ATP8A1: variants seen among roughly 807,000 people sequenced by gnomAD.
The protein encoded by ATP8A1 is ATPase phospholipid transporting 8A1.
Under a neutral mutation model 177.7 loss-of-function variants are expected in ATP8A1, and 90 were observed. The ratio of observed to expected loss-of-function variants is 0.51; its 90% confidence interval spans 0.43 to 0.60. The LOEUF (loss-of-function observed/expected upper bound fraction) is 0.60, where lower values mean the gene tolerates loss of function less well. Ranked by LOEUF, ATP8A1 falls within the 20% of genes least tolerant of loss-of-function variation. The pLI is 0.00. For missense variants in ATP8A1, 1,072 were observed against 1,392.8 expected (o/e 0.77, Z 3.67); for synonymous variants, 493 against 485.9 (o/e 1.01, Z -0.19).
At chr4:42,592,899 ATGT>A (rs533895032) in intron 6 of ATP8A1, among the ~76,000 whole-genome samples, 103 of 152,272 alleles carry the variant, frequency 6.8e-4, no homozygotes, top group African/African-American at 2.2e-3. Context: ...ATTGACCAAA[ATGT>A]TGTTATGCAG....
At chr4:42,430,405 G>C (rs945255936) in intron 33 of ATP8A1, among the ~76,000 whole-genome samples, 1 of 151,886 alleles carries the variant, frequency 6.6e-6, no homozygotes, top group Non-Finnish European at 1.5e-5. Flanking sequence ...GAGAAAAATC[G>C]AGAGTCTTTA....
At chr4:42,514,227 G>C (rs1169991292) in intron 22 of ATP8A1, among the ~76,000 whole-genome samples, 1 of 152,188 alleles carries the variant, frequency 6.6e-6, no homozygotes, top group Non-Finnish European at 1.5e-5. Context: ...CAAGGGCTTA[G>C]TTATAAGGCC....
chr4:42,548,318 G>T (rs1002268266), intron 19 of ATP8A1, among the ~76,000 whole-genome samples: 1 of 152,108 alleles, frequency 6.6e-6, no homozygotes, highest in African/African-American at 2.4e-5. Flanking sequence ...AAACATAATT[G>T]TGTTTCCAGA....
chr4:42,433,296 C>A (rs1260132127), intron 33 of ATP8A1, among the ~76,000 whole-genome samples: 1 of 152,194 alleles, frequency 6.6e-6, no homozygotes, highest in African/African-American at 2.4e-5. Flanking sequence ...CTCTGTTAGT[C>A]CCTGTGCATT....
At chr4:42,639,731 T>C (rs1739771203) in intron 1 of ATP8A1, among the ~76,000 whole-genome samples, 2 of 152,190 alleles carry the variant, frequency 1.3e-5, no homozygotes, top group African/African-American at 4.8e-5. Flanking sequence ...AGAGAAGAAC[T>C]ATGGTGAATG....
At chr4:42,505,926 C>CT (rs916270415) in intron 23 of ATP8A1, among the ~76,000 whole-genome samples, 3 of 151,646 alleles carry the variant, frequency 2.0e-5, no homozygotes, top group African/African-American at 7.3e-5. Flanking sequence ...GGTGAAAAAA[C>CT]TTTTTTTTTC....
At chr4:42,565,862 G>C (rs1731291734) in intron 15 of ATP8A1, among the ~76,000 whole-genome samples, 1 of 152,114 alleles carries the variant, frequency 6.6e-6, no homozygotes, top group Non-Finnish European at 1.5e-5. Context: ...GGGCTACATT[G>C]ATGTTAAGAA....
chr4:42,625,481 TGCA>T (rs1737964518), intron 3 of ATP8A1, 130 bp downstream of exon 3: 2 of 525,346 alleles, frequency 3.8e-6, no homozygotes, highest in Non-Finnish European at 6.7e-6. Context: ...CAACACTGCT[TGCA>T]GCAGGAGCCA....
At chr4:42,515,325 GT>G (rs1725425146) in intron 22 of ATP8A1, among the ~76,000 whole-genome samples, 1 of 152,212 alleles carries the variant, frequency 6.6e-6, no homozygotes. Context: ...AAGAATAGAT[GT>G]GGTAGTTTTA....
At chr4:42,473,094 A>C (rs1382232965) in intron 25 of ATP8A1, among the ~76,000 whole-genome samples, 2 of 152,184 alleles carry the variant, frequency 1.3e-5, no homozygotes, top group African/African-American at 4.8e-5. Context: ...ATGCTGACTG[A>C]AAAGTTGGAA....
At chr4:42,610,987 AC>A (rs1736310401) in intron 5 of ATP8A1, among the ~76,000 whole-genome samples, 1 of 152,202 alleles carries the variant, frequency 6.6e-6, no homozygotes, top group Admixed American at 6.5e-5. Flanking sequence ...TTAGCATAAT[AC>A]ATCTCTTTGA....
rs947003521 is a variant in ATP8A1 at position 42,638,370 on chromosome 4, C to T, written c.50-11261G>A. 5.9e-5 allele frequency among the ~76,000 whole-genome samples: 9 copies of T among 152,220 alleles called. No individual in the cohort carries two copies. In the South Asian group the frequency reaches 1.2e-3, roughly 21 times the overall value. On this transcript the variant is annotated intron_variant, in intron 1 of 36. Coordinates refer to ENST00000381668, the MANE Select transcript of ATP8A1 (RefSeq NM_006095.2). Reference sequence around the variant, plus strand: ...GAACTCACGCTAAATTGCGACAAGCCCCTGAAGTAGCACTACAAATTCTAA... The same window carrying T: ...GAACTCACGCTAAATTGCGACAAGCTCCTGAAGTAGCACTACAAATTCTAA...
intron 36 of ATP8A1, among the ~76,000 whole-genome samples, chr4:42,413,553 T>G (rs1411430032): frequency 6.6e-6 from 1 of 152,208 alleles, no homozygotes; most frequent in African/African-American, 2.4e-5. Flanking sequence ...TGGCACAGTA[T>G]TTGCATATAA....
intron 34 of ATP8A1, among the ~76,000 whole-genome samples, chr4:42,423,404 T>C (rs537059261): frequency 6.6e-6 from 1 of 152,330 alleles, no homozygotes; most frequent in East Asian, 1.9e-4. Flanking sequence ...CATTTACTTT[T>C]CTCTGTTAAC....
chr4:42,462,657 A>C (rs888123351), intron 27 of ATP8A1, among the ~76,000 whole-genome samples: 1 of 152,238 alleles, frequency 6.6e-6, no homozygotes, highest in African/African-American at 2.4e-5. Flanking sequence ...CAGAGCCCCC[A>C]CACAGAGTTC....
At chr4:42,569,128 G>A (rs765128762) in intron 15 of ATP8A1, 33 bp downstream of exon 15, 2 of 1,546,832 alleles carry the variant, frequency 1.3e-6, no homozygotes, top group East Asian at 2.4e-5. Flanking sequence ...CTTTTATAGG[G>A]ATCAATGAGG....
At chr4:42,448,391 T>TCTTA (rs1560335157) in intron 30 of ATP8A1, among the ~76,000 whole-genome samples, 1 of 98,288 alleles carries the variant, frequency 1.0e-5, no homozygotes, top group African/African-American at 3.5e-5. Context: ...TCCCTCCTTC[T>TCTTA]CTTTCTTTTC....
chr4:42,642,684 G>C (rs1740128091), intron 1 of ATP8A1, among the ~76,000 whole-genome samples: 1 of 152,150 alleles, frequency 6.6e-6, no homozygotes, highest in Non-Finnish European at 1.5e-5. Context: ...AATGCTTCAA[G>C]AACCTTCTAA....
intron 5 of ATP8A1, among the ~76,000 whole-genome samples, chr4:42,604,365 T>C (rs796313596): frequency 1.3e-5 from 2 of 152,214 alleles, no homozygotes; most frequent in South Asian, 2.1e-4. Context: ...ATAAGATCCA[T>C]GACAAGAGAA....
Sources: gnomAD v4.1 joint callset for allele counts (sites outside exome capture counted in the v4.1 genomes callset) on GRCh38, gnomAD v4.1.1 for gene constraint, MANE v1.5 for transcripts, NCBI Gene and HGNC (gene_info 2026-07-23, HGNC 2026-07-21) for gene names.